MAP3K19: variants seen among roughly 807,000 people sequenced by gnomAD.
The protein encoded by MAP3K19 is SPS1/STE20-related protein kinase YSK4.
A neutral mutation model predicts 114.4 loss-of-function variants in MAP3K19; 91 were observed. That is an observed-to-expected ratio of 0.80 (90% confidence interval 0.67 to 0.95). The LOEUF is 0.95. Among genes scored for constraint, MAP3K19 ranks in the 40% least tolerant of loss-of-function variants. The pLI, the probability that MAP3K19 is intolerant of heterozygous loss-of-function variation, is 0.00. For missense variants in MAP3K19, 1,471 were observed against 1,573.2 expected, an observed-to-expected ratio of 0.94 and a Z score of 1.10; for synonymous variants, 518 against 530.5, an observed-to-expected ratio of 0.98 and a Z score of 0.32.
chr2:134,980,112 T>C (rs1345207271), intron 12 of MAP3K19, among the ~76,000 whole-genome samples: 2 of 152,140 alleles, frequency 1.3e-5, no homozygotes, highest in Admixed American at 6.6e-5. Context: ...CTGTGCAGTA[T>C]CCTAGAGTGG....
intron 1 of MAP3K19, among the ~76,000 whole-genome samples, chr2:135,045,120 G>A (rs1346974577): frequency 6.6e-6 from 1 of 152,128 alleles, no homozygotes; most frequent in Non-Finnish European, 1.5e-5. Context: ...CAAGTGGGTC[G>A]AATGGATTTA....
At chr2:134,978,348 C>G (rs1019182570) in intron 12 of MAP3K19, among the ~76,000 whole-genome samples, 13 of 151,988 alleles carry the variant, frequency 8.6e-5, no homozygotes, top group Non-Finnish European at 1.6e-4. Context: ...CACACACCAC[C>G]ATGCCTGGCT....
chr2:135,011,666 G>GTGGT (rs1687245091), intron 5 of MAP3K19, among the ~76,000 whole-genome samples: 1 of 150,106 alleles, frequency 6.7e-6, no homozygotes, highest in African/African-American at 2.5e-5. Flanking sequence ...AGAGTTTGAT[G>GTGGT]TTGTTTGTTT....
intron 2 of MAP3K19, among the ~76,000 whole-genome samples, chr2:135,038,512 G>A (rs1688579891): frequency 6.6e-6 from 1 of 151,908 alleles, no homozygotes; most frequent in African/African-American, 2.4e-5. Context: ...ATGAAGTGTA[G>A]CTACAGTTTT....
chr2:134,967,964 G>C (rs563780967), intron 12 of MAP3K19, among the ~76,000 whole-genome samples: 168 of 152,020 alleles, frequency 1.1e-3, no homozygotes, highest in African/African-American at 3.9e-3. Flanking sequence ...AGATAAACAA[G>C]TGAACAAAGG....
chr2:135,010,643 A>G (rs1035632398), intron 5 of MAP3K19, among the ~76,000 whole-genome samples: 29 of 152,250 alleles, frequency 1.9e-4, no homozygotes, highest in African/African-American at 7.0e-4. Context: ...TTTATATTTT[A>G]GAGACATGGG....
chr2:135,026,654 A>AG (rs1688263633), intron 3 of MAP3K19, among the ~76,000 whole-genome samples: 1 of 152,188 alleles, frequency 6.6e-6, no homozygotes, highest in South Asian at 2.1e-4. Flanking sequence ...TTAAAAAAAA[A>AG]GTGCATTGTT....
Position 134,999,296 on chromosome 2 carries a change from C to A in MAP3K19, c.315-299G>T, listed in dbSNP as rs772302952. Among the ~76,000 whole-genome samples the A allele has an allele frequency of 1.3e-5, 2 of 152,098 alleles. No individual in the cohort carries two copies. The highest frequency in any genetic ancestry group is 2.4e-5 in the African/African-American group (1 of 41,402). On this transcript the variant is annotated intron_variant, in intron 7 of 12. Transcript: ENST00000392915. The surrounding 1 kb of genome is among the most constrained non-coding windows in gnomAD (Gnocchi z 4.1). ...CCAAGGGCAGGCCTGGGGGATGTAC[C>A]CTTTTATCTCCACAGGTACTGACTA... is the stretch of plus-strand genomic sequence containing the variant.
Position 134,980,836 on chromosome 2 carries a change from C to T in MAP3K19, c.3905G>A (p.Arg1302His), listed in dbSNP as rs772898317. The T allele has an allele frequency of 4.4e-5, 71 of 1,613,198 alleles. 1 individual carries two copies. The highest frequency in any genetic ancestry group is 4.3e-4 in the South Asian group (39 of 91,066). Residue 1302 changes from arginine (R) to histidine (H), a missense_variant, in exon 12 of 13, where the codon CGC becomes CAC. Coordinates refer to ENST00000392915, the MANE Select transcript of MAP3K19 (RefSeq NM_025052.5). ...AGTTTCTTACCTGGTCAGGCACATGCGCACAAAGTCTGCTGCATTTTCTGA... is the reference window on the plus strand; with the variant it reads ...AGTTTCTTACCTGGTCAGGCACATGTGCACAAAGTCTGCTGCATTTTCTGA... ...HFSENAADFV[R>H]MCLTRDQHER...
intron 5 of MAP3K19, among the ~76,000 whole-genome samples, chr2:135,009,705 G>A (rs1197547455): frequency 2.0e-5 from 3 of 151,800 alleles, no homozygotes; most frequent in Non-Finnish European, 4.4e-5. Flanking sequence ...ATGATGACTA[G>A]CATTTACATA....
In MAP3K19 at chr2:134,988,155, T is replaced by C; in HGVS notation, c.717A>G (p.Pro239=). 6.2e-7 allele frequency: 1 copy of C among 1,613,868 alleles called. No individual in the cohort carries two copies. The highest frequency in any genetic ancestry group is 8.5e-7 in the Non-Finnish European group (1 of 1,179,938). Residue 239 remains proline (P), a synonymous_variant, in exon 10 of 13, where the codon CCA becomes CCG. Transcript: ENST00000392915. ...GCTTAGGCACAAAAGATGTGAGACT[T>C]GGAATGTTTCTTTCTTTTTCTTTTG... ...KFPKEKERNI[P]SLTSFVPKLS...
Position 134,988,022 on chromosome 2 carries a change from T to C in MAP3K19, c.850A>G (p.Ile284Val), listed in dbSNP as rs1174221506. Residue 284 changes from isoleucine to valine, a missense_variant, in exon 10 of 13, where the codon ATT becomes GTT. Coordinates refer to ENST00000392915, the MANE Select transcript of MAP3K19 (RefSeq NM_025052.5). ...DPTLRSSDGF[I>V]WSRNMCSFPK... The stretch of plus-strand genomic sequence containing the variant: ...AAAGAGCACATGTTTCTTGACCAAA[T>C]GAAGCCATCAGAAGACCTGAGAGTC... 4 of 1,614,116 alleles carry C rather than the reference T, an allele frequency of 2.5e-6. No individual in the cohort carries two copies. The highest frequency in any genetic ancestry group is 2.2e-5 in the East Asian group (1 of 44,880).
chr2:134,980,872 G>A lies in MAP3K19; in HGVS notation c.3869C>T (p.Pro1290Leu). ...TGCTGCATTTTCTGAGAAGTGGTCT[G>A]GTAAAGGAGGCATCAGCCCTCGGTG... ...GAHRGLMPPL[P>L]DHFSENAADF... The change falls in exon 12 of 13, where the codon CCA becomes CTA. Residue 1290 changes from proline to leucine, a missense_variant. By Grantham distance (98) the Pro-to-Leu change is moderately conservative. Transcript: ENST00000392915. The A allele has an allele frequency of 6.2e-7, 1 of 1,614,224 alleles. No individual in the cohort carries two copies.
chr2:134,981,931 G>C (rs1254480159), intron 11 of MAP3K19, among the ~76,000 whole-genome samples: 7 of 108,150 alleles, frequency 6.5e-5, no homozygotes, highest in African/African-American at 2.6e-4. Context: ...TCACTCTGTT[G>C]CCCAGGCTGG....
chr2:134,979,896 T>G (rs1055272698), intron 12 of MAP3K19, among the ~76,000 whole-genome samples: 3 of 152,092 alleles, frequency 2.0e-5, no homozygotes, highest in Admixed American at 2.0e-4. Context: ...ACCTGTAGAT[T>G]CTAAGATTTA....
At chr2:135,000,391 T>C (rs1481863791) in intron 6 of MAP3K19, among the ~76,000 whole-genome samples, 2 of 152,250 alleles carry the variant, frequency 1.3e-5, no homozygotes. Context: ...TGTTTGCTTG[T>C]ATTTGTAATT....
intron 8 of MAP3K19, among the ~76,000 whole-genome samples, chr2:134,998,511 A>G (rs560301328): frequency 1.2e-4 from 18 of 152,374 alleles, no homozygotes; most frequent in Non-Finnish European, 2.4e-4. Context: ...TTGCACATAT[A>G]GTGCTCTTTC....
chr2:134,987,214 A>C lies in MAP3K19; in HGVS notation c.1658T>G (p.Val553Gly). The C allele has an allele frequency of 6.2e-7, 1 of 1,614,220 alleles. No individual in the cohort carries two copies. Among genetic ancestry groups the C allele is most frequent in the Non-Finnish European group, 8.5e-7 (1 of 1,180,040 alleles). ...KTSKKTPQNF[V>G]ISTEGPIKPT... The stretch of plus-strand genomic sequence containing the variant: ...CTTAATGGGACCTTCAGTAGAAATC[A>C]CAAAATTCTGAGGTGTCTTCTTACT... Residue 553 changes from valine to glycine, a missense_variant, in exon 10 of 13, where the codon GTG becomes GGG. Transcript: ENST00000392915.
intron 5 of MAP3K19, among the ~76,000 whole-genome samples, chr2:135,020,179 G>C: frequency 6.6e-6 from 1 of 152,086 alleles, no homozygotes; most frequent in Middle Eastern, 3.2e-3. Flanking sequence ...CACCAAGCCT[G>C]GCTAATTTTT....
Sources: gnomAD v4.1 joint callset for allele counts (sites outside exome capture counted in the v4.1 genomes callset) on GRCh38, gnomAD v4.1.1 for gene constraint, Gnocchi (gnomAD v3.1) non-coding constraint, MANE v1.5 for transcripts, NCBI Gene and HGNC (gene_info 2026-07-23, HGNC 2026-07-21) for gene names.